The following PPFIA2 variants were observed in gnomAD, a reference collection of about 807,000 sequenced individuals.
PPFIA2 encodes the protein PPFI scaffold protein A2, also known as liprin-alpha-2.
Under a neutral mutation model 175.5 loss-of-function variants are expected in PPFIA2, and 46 were observed. The observed-to-expected ratio is 0.26, with a 90% CI of 0.21 to 0.34. The LOEUF (loss-of-function observed/expected upper bound fraction) is 0.34, where lower values mean the gene tolerates loss of function less well. PPFIA2 is among the 10% of genes least tolerant of loss of function. The probability of loss-of-function intolerance (pLI) is 1.00; values close to 1 mark genes in which losing one functional copy is unlikely to be tolerated. For missense variants in PPFIA2, 1,179 were observed against 1,506.1 expected (o/e 0.78, Z 3.60); for synonymous variants, 568 against 511.4 (o/e 1.11, Z -1.49).
intron 5 of PPFIA2, among the ~76,000 whole-genome samples, chr12:81,446,889 G>T (rs1252639366): frequency 6.6e-6 from 1 of 151,942 alleles, no homozygotes; most frequent in Admixed American, 6.6e-5. Context: ...CTCTACATTT[G>T]CTGTCACTAA....
rs1567544445 is a variant in PPFIA2, at chr12:81,605,687, CTATCTA to C, written c.303+71098_303+71103del. On this transcript the variant is annotated intron_variant, in intron 4 of 32. Coordinates refer to ENST00000549396, the MANE Select transcript of PPFIA2 (RefSeq NM_003625.5). ...TCTATCTATCTATCTATCTATCTAT[CTATCTA>C]ATCTGTCTATAATTTCTCTATCTCT... 7.1e-3 allele frequency among the ~76,000 whole-genome samples: 1,051 copies of C among 148,508 alleles called. 12 individuals are homozygous for C. Among genetic ancestry groups the C allele is most frequent in the African/African-American group, 0.025 (981 of 38,780 alleles).
intron 8 of PPFIA2, among the ~76,000 whole-genome samples, chr12:81,393,720 A>C (rs1279619402): frequency 6.6e-6 from 1 of 152,054 alleles, no homozygotes; most frequent in African/African-American, 2.4e-5. Flanking sequence ...ACCATGAGGG[A>C]AGTAAGAGTA....
At chr12:81,485,171 T>G (rs552604133) in intron 4 of PPFIA2, among the ~76,000 whole-genome samples, 31 of 151,942 alleles carry the variant, frequency 2.0e-4, no homozygotes, top group Admixed American at 1.5e-3. Context: ...GTCTTCAAAT[T>G]TCTAATTCAA....
chr12:81,723,201 C>T (rs575829988), intron 3 of PPFIA2, among the ~76,000 whole-genome samples: 1 of 151,042 alleles, frequency 6.6e-6, no homozygotes, highest in South Asian at 2.1e-4. Flanking sequence ...CCCTTTAAAA[C>T]CTATAATTAA....
chr12:81,605,454 A>G (rs1444924413), intron 4 of PPFIA2, among the ~76,000 whole-genome samples: 1 of 151,728 alleles, frequency 6.6e-6, no homozygotes, highest in African/African-American at 2.4e-5. Context: ...GGAAACAGAT[A>G]TTACACTTTG....
intron 7 of PPFIA2, among the ~76,000 whole-genome samples, chr12:81,439,627 G>C (rs1339074443): frequency 6.6e-6 from 1 of 152,060 alleles, no homozygotes; most frequent in South Asian, 2.1e-4. Context: ...TTTATTTGTA[G>C]CATTTTCTAA....
At chr12:81,590,124 G>A (rs778945784) in intron 4 of PPFIA2, among the ~76,000 whole-genome samples, 1 of 152,020 alleles carries the variant, frequency 6.6e-6, no homozygotes, top group African/African-American at 2.4e-5. Context: ...CTCTCTCTTG[G>A]CTGGGAAACT....
chr12:81,571,337 T>C (rs903535613), intron 4 of PPFIA2, among the ~76,000 whole-genome samples: 1 of 152,100 alleles, frequency 6.6e-6, no homozygotes, highest in African/African-American at 2.4e-5. Context: ...CAGTAACTAG[T>C]AAACAAAAAC....
chr12:81,735,164 A>G (rs571965632), intron 3 of PPFIA2, among the ~76,000 whole-genome samples: 3 of 151,736 alleles, frequency 2.0e-5, no homozygotes, highest in Admixed American at 6.6e-5. Flanking sequence ...CTAGGAGTAA[A>G]TTTTTTTAAT....
intron 8 of PPFIA2, among the ~76,000 whole-genome samples, chr12:81,394,694 A>T (rs1469875058): frequency 6.6e-6 from 1 of 151,710 alleles, no homozygotes; most frequent in Non-Finnish European, 1.5e-5. Context: ...TAGGACAAAT[A>T]CCTAATGCAT....
At chr12:81,285,887 G>A (rs1448361382) in intron 24 of PPFIA2, among the ~76,000 whole-genome samples, 2 of 152,012 alleles carry the variant, frequency 1.3e-5, no homozygotes, top group Non-Finnish European at 2.9e-5. Flanking sequence ...ATAGCCCCAA[G>A]TAGGTTCCTT....
At chr12:81,414,300 C>A (rs2044543297) in intron 7 of PPFIA2, among the ~76,000 whole-genome samples, 1 of 151,588 alleles carries the variant, frequency 6.6e-6, no homozygotes, top group African/African-American at 2.4e-5. Context: ...TTTTCCTGAC[C>A]TGCGTTGGCA....
At chr12:81,305,107 T>A (rs74103954) in intron 22 of PPFIA2, among the ~76,000 whole-genome samples, 3,603 of 152,184 alleles carry the variant, frequency 0.024, 147 homozygotes, top group African/African-American at 0.083. Context: ...GCATGGCAAA[T>A]TAACTTCTTA....
chr12:81,388,118 C>G (rs1428227950), intron 8 of PPFIA2, among the ~76,000 whole-genome samples: 1 of 152,118 alleles, frequency 6.6e-6, no homozygotes, highest in Non-Finnish European at 1.5e-5. Flanking sequence ...AGAATTAGGT[C>G]TGTAGATTCA....
Position 81,272,075 on chromosome 12 carries a change from A to G in PPFIA2, c.3311-3988T>C, listed in dbSNP as rs185027227. ...TCCTCTAGCATTATTTAGTTGAGCAATATCAGTTATATTATGTTGCGCCAT... is the reference window on the plus strand; with the variant it reads ...TCCTCTAGCATTATTTAGTTGAGCAGTATCAGTTATATTATGTTGCGCCAT... On this transcript the variant is annotated intron_variant, in intron 28 of 32. Transcript: ENST00000549396. Among the ~76,000 whole-genome samples, 339 of 152,232 alleles carry G rather than the reference A, an allele frequency of 2.2e-3. 3 individuals carry two copies. Among genetic ancestry groups the G allele is most frequent in the African/African-American group, 7.6e-3 (317 of 41,558 alleles).
At chr12:81,736,462 T>G (rs571343000) in intron 3 of PPFIA2, among the ~76,000 whole-genome samples, 2 of 152,138 alleles carry the variant, frequency 1.3e-5, no homozygotes, top group African/African-American at 4.8e-5. Context: ...TAGACGCATT[T>G]TAATAAAGGC....
chr12:81,261,031 T>G (rs1398478654), intron 32 of PPFIA2: 3 of 152,174 alleles, frequency 2.0e-5, no homozygotes, highest in African/African-American at 7.2e-5. Flanking sequence ...TTCCTTAAAA[T>G]CAAATGCTTG....
intron 4 of PPFIA2, among the ~76,000 whole-genome samples, chr12:81,513,466 C>T (rs2062033644): frequency 6.6e-6 from 1 of 151,978 alleles, no homozygotes; most frequent in African/African-American, 2.4e-5. Context: ...TTTACAGCAG[C>T]AAAATTCACA....
chr12:81,260,789 T>G (rs2035199404), intron 32 of PPFIA2: 1 of 152,206 alleles, frequency 6.6e-6, no homozygotes, highest in African/African-American at 2.4e-5. Flanking sequence ...TGTTTTCTCT[T>G]AACCCTGTGC....
Sources: allele counts gnomAD v4.1 joint callset (sites outside exome capture counted in the v4.1 genomes callset), GRCh38; gene constraint gnomAD v4.1.1; transcripts MANE v1.5; gene names NCBI Gene and HGNC (gene_info 2026-07-23, HGNC 2026-07-21).